PEX7: variants seen among roughly 807,000 people sequenced by gnomAD.
PEX7 encodes the protein PTS2 receptor.
Under a neutral mutation model 47.5 loss-of-function variants are expected in PEX7, and 34 were observed. That is an observed-to-expected ratio of 0.72 (90% CI 0.54 to 0.95). The LOEUF is 0.95. Ranked by LOEUF, PEX7 falls within the 40% of genes least tolerant of loss-of-function variation. The pLI, the probability that PEX7 is intolerant of heterozygous loss-of-function variation, is 0.00. For synonymous variants in PEX7, 141 were observed against 148.8 expected (o/e 0.95, Z 0.38); for missense variants, 394 against 400.3 (o/e 0.98, Z 0.13).
intron 8 of PEX7, among the ~76,000 whole-genome samples, chr6:136,885,924 A>G (rs1007229881): frequency 6.6e-6 from 1 of 152,198 alleles, no homozygotes; most frequent in African/African-American, 2.4e-5. Context: ...GTAAATGGAG[A>G]TGCTAATAGT....
Position 136,866,513 on chromosome 6 carries a change from A to G in PEX7, c.527-114A>G, listed in dbSNP as rs185396333. On this transcript the variant is annotated intron_variant, in intron 5 of 9. Transcript: ENST00000318471. ...TTAAAAAATAAGTCTGAAGGTGGCA[A>G]TATCCTAACACTGAAAGCAGTGTAT... is the stretch of plus-strand genomic sequence containing the variant. 87 of 841,112 alleles carry G rather than the reference A, an allele frequency of 1.0e-4. No individual in the cohort carries two copies. In the African/African-American group the frequency reaches 1.1e-3, roughly 11 times the overall value. 52.1% of individuals were successfully genotyped at this position (841,112 alleles called of 1,614,324 possible). A position where few individuals can be genotyped will look rare whatever the true frequency, so the allele number is the denominator to read the frequency against.
intron 5 of PEX7, among the ~76,000 whole-genome samples, chr6:136,858,945 A>G (rs1451978614): frequency 2.0e-5 from 3 of 152,248 alleles, no homozygotes; most frequent in Admixed American, 1.3e-4. Flanking sequence ...CAAAGTTTGT[A>G]GTGTGGAACC....
intron 5 of PEX7, among the ~76,000 whole-genome samples, chr6:136,863,114 ACAATTTC>A (rs1774995617): frequency 6.6e-6 from 1 of 152,242 alleles, no homozygotes; most frequent in African/African-American, 2.4e-5. Flanking sequence ...CCAATTCTGA[ACAATTTC>A]CTTTTGGTAC....
chr6:136,865,251 G>C (rs541068946), intron 5 of PEX7, among the ~76,000 whole-genome samples: 5 of 152,174 alleles, frequency 3.3e-5, no homozygotes, highest in African/African-American at 1.2e-4. Flanking sequence ...AGAAATTCGA[G>C]ACTAGCCTGG....
intron 4 of PEX7, 80 bp downstream of exon 4, chr6:136,845,772 A>G: frequency 1.1e-6 from 1 of 898,498 alleles, no homozygotes; most frequent in Non-Finnish European, 1.9e-6. Context: ...TTTTTCCAAC[A>G]TACTTCTGTA....
chr6:136,900,747 G>T lies in PEX7; in HGVS notation c.903+2506G>T. On this transcript the variant is annotated intron_variant, in intron 9 of 9. Transcript: ENST00000318471. The surrounding 1 kb of genome is among the most constrained non-coding windows in gnomAD (Gnocchi z 4.2). ...TCTTCTCCACCAAGGTGGTGACGGT[G>T]TTAACCCCAGCTTGAAGGACAGGTG... The T allele has an allele frequency of 2.9e-6, 1 of 348,712 alleles. No homozygotes were observed. The highest frequency in any genetic ancestry group is 2.4e-5 in the South Asian group (1 of 42,408). 21.6% of individuals were successfully genotyped at this position (348,712 alleles called of 1,614,324 possible). A position where few individuals can be genotyped will look rare whatever the true frequency, so the allele number is the denominator to read the frequency against.
At position 136,900,912 on chromosome 6, in the gene PEX7, C is replaced by T; in HGVS notation, c.903+2671C>T. The stretch of plus-strand genomic sequence containing the variant: ...GAGTAGCTGTTTGGTGGTCCCAGGG[C>T]CTGGGTGAACTGGTTCATCACAGGA... On this transcript the variant is annotated intron_variant, in intron 9 of 9. Transcript: ENST00000318471. This position sits in a 1 kb window ranked among gnomAD's most constrained non-coding sequence, Gnocchi z 4.2. 4.4e-6 allele frequency: 1 copy of T among 229,690 alleles called. No individual in the cohort carries two copies. Among genetic ancestry groups the T allele is most frequent in the South Asian group, 6.2e-5 (1 of 16,016 alleles). The allele number at this position is 229,690 out of a possible 1,614,324, so 14.2% of individuals were successfully genotyped here. A position where few individuals can be genotyped will look rare whatever the true frequency, so the allele number is the denominator to read the frequency against.
At chr6:136,870,774 G>T (rs1227234288) in intron 7 of PEX7, 2 of 406,432 alleles carry the variant, frequency 4.9e-6, no homozygotes, top group Non-Finnish European at 4.9e-6. Flanking sequence ...TCAGCTCACT[G>T]CAACCTCTGC....
chr6:136,831,525 A>G (rs1391471328), intron 3 of PEX7, among the ~76,000 whole-genome samples: 4 of 152,224 alleles, frequency 2.6e-5, no homozygotes, highest in Non-Finnish European at 2.9e-5. Context: ...TGACTTTCCA[A>G]CAGTCCCCCA....
At chr6:136,823,615 G>A (rs1211778418) in intron 1 of PEX7, among the ~76,000 whole-genome samples, 1 of 152,070 alleles carries the variant, frequency 6.6e-6, no homozygotes, top group East Asian at 1.9e-4. Context: ...GCCAAGCGCC[G>A]TGCGGTGGCT....
At chr6:136,883,525 T>G (rs1240069747) in intron 8 of PEX7, among the ~76,000 whole-genome samples, 1 of 152,232 alleles carries the variant, frequency 6.6e-6, no homozygotes, top group Non-Finnish European at 1.5e-5. Context: ...TTGTTTTTCT[T>G]ACTCTCCTCT....
In PEX7 at chr6:136,869,486, C is replaced by T. The variant is rs957748368; in HGVS notation, c.634-404C>T. On this transcript the variant is annotated intron_variant, in intron 6 of 9. Transcript: ENST00000318471. The stretch of plus-strand genomic sequence containing the variant: ...TTCCTGGCCTCAAGTGATCCTCCCA[C>T]CTTTGCCTCCCAAGGTGCTGGAATT... Among the ~76,000 whole-genome samples the T allele has an allele frequency of 4.6e-5, 7 of 152,148 alleles. No individual in the cohort carries two copies. The East Asian group carries it at 1.2e-3, about 25-fold the overall frequency.
intron 5 of PEX7, among the ~76,000 whole-genome samples, chr6:136,865,215 C>G (rs1277506667): frequency 5.3e-5 from 8 of 152,140 alleles, no homozygotes; most frequent in Non-Finnish European, 1.0e-4. Flanking sequence ...CTTTGGGAGG[C>G]TGAGGTGGGA....
rs752382152 is a variant in PEX7 at position 136,913,491 on chromosome 6, A to G, written c.937A>G (p.Ile313Val). Residue 313 changes from isoleucine (I) to valine (V), a missense_variant, in exon 10 of 10, where the codon ATC becomes GTC. Physicochemically the swap from Ile to Val is conservative, Grantham distance 29. Transcript: ENST00000318471. ...ADCSWDETIK[I>V]YDPACLTIPA is the part of the protein sequence containing the mutation. Reference sequence around the variant, plus strand: ...CTGTTCTTGGGATGAAACAATAAAGATCTATGACCCTGCTTGTCTTACTAT... The same window carrying G: ...CTGTTCTTGGGATGAAACAATAAAGGTCTATGACCCTGCTTGTCTTACTAT... 2 of 1,612,696 alleles carry G rather than the reference A, an allele frequency of 1.2e-6. No individual in the cohort carries two copies. The highest frequency in any genetic ancestry group is 1.1e-5 in the South Asian group (1 of 91,048).
Position 136,822,711 on chromosome 6 carries a change from G to GGACGCCACGGCTACGCCGCCGA in PEX7, c.48_69dup (p.Phe24ThrfsTer39). On this transcript the variant is annotated frameshift_variant, in exon 1 of 10. Coordinates refer to ENST00000318471, the MANE Select transcript of PEX7 (RefSeq NM_000288.4). LOFTEE classifies it high-confidence loss of function. ...AGCGGCGCGGATGCTGCGGACGCCG[G>GGACGCCACGGCTACGCCGCCGA]GACGCCACGGCTACGCCGCCGAGTT... 1.3e-6 allele frequency: 2 copies of GGACGCCACGGCTACGCCGCCGA among 1,516,988 alleles called. No individual in the cohort carries two copies. Among genetic ancestry groups the GGACGCCACGGCTACGCCGCCGA allele is most frequent in the Non-Finnish European group, 1.8e-6 (2 of 1,139,312 alleles). The allele number at this position is 1,516,988 out of a possible 1,614,324, so 94.0% of individuals were successfully genotyped here.
At chr6:136,888,265 A>G (rs1458254527) in intron 8 of PEX7, among the ~76,000 whole-genome samples, 1 of 152,152 alleles carries the variant, frequency 6.6e-6, no homozygotes, top group Non-Finnish European at 1.5e-5. Context: ...ATTTTACCTC[A>G]TCTTTTAAGA....
rs1775142556 is a variant in PEX7, at chr6:136,869,882, GTT to G, written c.634-4_634-3del. 2 of 1,604,254 alleles carry G rather than the reference GTT, an allele frequency of 1.2e-6. No homozygotes were observed. The highest frequency in any genetic ancestry group is 1.7e-6 in the Non-Finnish European group (2 of 1,171,044). ...GTCACAGTTTATGTTTCTCTGAATT[GTT>G]TTTAGAATTTGCTGGTGACCGGGGC... On this transcript the variant is annotated splice_polypyrimidine_tract_variant and splice_region_variant and intron_variant, in intron 6 of 9. Coordinates refer to ENST00000318471, the MANE Select transcript of PEX7 (RefSeq NM_000288.4).
At chr6:136,869,757 C>G in intron 6 of PEX7, 133 bp from the exon 7 acceptor site, 3 of 784,132 alleles carry the variant, frequency 3.8e-6, no homozygotes, top group Non-Finnish European at 4.6e-6. Flanking sequence ...ACTTGTTATA[C>G]AACTTCTCAA....
At position 136,857,928 on chromosome 6, in the gene PEX7, C is replaced by T. The variant is rs147958410; in HGVS notation, c.527-8699C>T. On this transcript the variant is annotated intron_variant, in intron 5 of 9. Transcript: ENST00000318471. ...CCTCTGCCTCCTGGGCTCAAACAAT[C>T]CTCCCACCTCAGCCTACTAGCTAGG... 2.4e-3 allele frequency among the ~76,000 whole-genome samples: 371 copies of T among 152,260 alleles called. 1 individual carries two copies. Among genetic ancestry groups the T allele is most frequent in the South Asian group, 6.2e-3 (30 of 4,828 alleles).
Sources: gnomAD v4.1 joint callset for allele counts (sites outside exome capture counted in the v4.1 genomes callset) on GRCh38, gnomAD v4.1.1 for gene constraint, Gnocchi (gnomAD v3.1) non-coding constraint, MANE v1.5 for transcripts, NCBI Gene and HGNC (gene_info 2026-07-23, HGNC 2026-07-21) for gene names.